Variants in C14orf39 observed in about 807,000 individuals in gnomAD.
The protein encoded by C14orf39 is protein SIX6OS1.
A neutral mutation model predicts 85.6 loss-of-function variants in C14orf39; 66 were observed. The ratio of observed to expected loss-of-function variants is 0.77; its 90% CI spans 0.63 to 0.95. The LOEUF is 0.95. Ranked by LOEUF, C14orf39 falls within the 40% of genes least tolerant of loss-of-function variation. The pLI, the probability that C14orf39 is intolerant of heterozygous loss-of-function variation, is 0.00. For synonymous variants in C14orf39, 242 were observed against 214.0 expected, an observed-to-expected ratio of 1.13 and a Z score of -1.14; for missense variants, 735 against 663.9, an observed-to-expected ratio of 1.11 and a Z score of -1.18.
intron 17 of C14orf39, among the ~76,000 whole-genome samples, chr14:60,439,101 G>A (rs1890390786): frequency 2.6e-5 from 4 of 152,258 alleles, no homozygotes; most frequent in African/African-American, 9.6e-5. Context: ...CTGAGGTGAT[G>A]GATATTCCAA....
chr14:60,473,091 G>A (rs1288144937), intron 5 of C14orf39, among the ~76,000 whole-genome samples: 17 of 152,090 alleles, frequency 1.1e-4, no homozygotes, highest in East Asian at 3.9e-4. Flanking sequence ...TTTAATGATC[G>A]CCATTCTAAC....
chr14:60,499,695 T>C (rs562298415), intron 1 of C14orf39, among the ~76,000 whole-genome samples: 29 of 152,246 alleles, frequency 1.9e-4, no homozygotes, highest in Non-Finnish European at 3.7e-4. Context: ...GTAAAAACTA[T>C]AGGTGATTGC....
intron 8 of C14orf39, among the ~76,000 whole-genome samples, 185 bp downstream of exon 8, chr14:60,469,348 T>C (rs1891955355): frequency 6.8e-6 from 1 of 148,004 alleles, no homozygotes; most frequent in Non-Finnish European, 1.5e-5. Context: ...ATAAAATTAA[T>C]AAAAAATATA....
intron 16 of C14orf39, among the ~76,000 whole-genome samples, chr14:60,444,718 C>A (rs557348219): frequency 2.6e-5 from 4 of 152,188 alleles, no homozygotes; most frequent in African/African-American, 9.6e-5. Flanking sequence ...AGATACTCCT[C>A]GAAAAGAGCA....
intron 16 of C14orf39, among the ~76,000 whole-genome samples, chr14:60,452,586 T>C (rs546042976): frequency 1.3e-5 from 2 of 152,138 alleles, no homozygotes; most frequent in East Asian, 1.9e-4. Flanking sequence ...AGTATTTGAT[T>C]GCACAATAGG....
At chr14:60,469,714 T>C (rs557634807) in intron 7 of C14orf39, 61 bp from the exon 8 acceptor site, 123 of 727,154 alleles carry the variant, frequency 1.7e-4, no homozygotes, top group Non-Finnish European at 2.2e-4. Context: ...ATATGTGCCA[T>C]ATCAGAAATG....
intron 5 of C14orf39, among the ~76,000 whole-genome samples, chr14:60,473,106 G>A (rs1029533375): frequency 5.3e-5 from 8 of 152,168 alleles, no homozygotes; most frequent in Non-Finnish European, 8.8e-5. Context: ...TCTAACTGGT[G>A]TGAGATGGTA....
At chr14:60,472,974 T>C (rs941691270) in intron 5 of C14orf39, among the ~76,000 whole-genome samples, 4 of 152,086 alleles carry the variant, frequency 2.6e-5, no homozygotes, top group Non-Finnish European at 5.9e-5. Context: ...CCTGAGGAAT[T>C]GCCACACTGA....
chr14:60,514,278 T>C (rs576226305), intron 1 of C14orf39, among the ~76,000 whole-genome samples: 2 of 152,330 alleles, frequency 1.3e-5, no homozygotes, highest in South Asian at 4.1e-4. Context: ...GGTTTCTGAA[T>C]TTGGCAAAAT....
intron 8 of C14orf39, 80 bp from the exon 9 acceptor site, chr14:60,468,616 T>A: frequency 2.8e-6 from 2 of 714,866 alleles, no homozygotes; most frequent in Non-Finnish European, 4.4e-6. Flanking sequence ...CTTATGTTTT[T>A]TCTATATAAT....
chr14:60,486,455 T>G (rs1441259227), upstream of C14orf39, among the ~76,000 whole-genome samples: 2 of 152,208 alleles, frequency 1.3e-5, no homozygotes, highest in African/African-American at 4.8e-5. Flanking sequence ...GAATTCAGCA[T>G]TTTTCAAAAC....
chr14:60,496,444 T>C lies in C14orf39; in HGVS notation c.-9+2852A>G, dbSNP rs17097536. The C allele has an allele frequency of 3.6e-3, 1,011 of 284,200 alleles. 7 individuals carry two copies. Among genetic ancestry groups the C allele is most frequent in the African/African-American group, 0.019 (864 of 45,998 alleles). The allele number at this position is 284,200 out of a possible 1,614,324, so 17.6% of individuals were successfully genotyped here. ...CTGTCTCTAAGTACATGACAGACTC[T>C]GCATCCAGCTTCTCCTTTATGTCCC... is the stretch of plus-strand genomic sequence containing the variant. On this transcript the variant is annotated intron_variant, in intron 2 of 5. Coordinates refer to the C14orf39 transcript ENST00000556799.
chr14:60,441,430 T>C (rs993656309), intron 17 of C14orf39, among the ~76,000 whole-genome samples: 1 of 152,170 alleles, frequency 6.6e-6, no homozygotes, highest in Non-Finnish European at 1.5e-5. Context: ...TCTCTTATCT[T>C]GTATCATTCT....
At chr14:60,441,531 T>TA (rs1477836397) in intron 17 of C14orf39, among the ~76,000 whole-genome samples, 1 of 152,224 alleles carries the variant, frequency 6.6e-6, no homozygotes, top group East Asian at 1.9e-4. Flanking sequence ...TACTATCTGA[T>TA]AAATTATACA....
At chr14:60,438,178 T>C (rs1890346849) in intron 17 of C14orf39, among the ~76,000 whole-genome samples, 1 of 152,082 alleles carries the variant, frequency 6.6e-6, no homozygotes, top group African/African-American at 2.4e-5. Flanking sequence ...TTTATTTTTA[T>C]TTTTAAACAT....
intron 5 of C14orf39, among the ~76,000 whole-genome samples, chr14:60,472,597 T>C (rs1892150313): frequency 6.6e-6 from 1 of 152,140 alleles, no homozygotes; most frequent in Non-Finnish European, 1.5e-5. Context: ...TTCCCCTTCC[T>C]GTGTCCATGT....
Position 60,461,414 on chromosome 14 carries a change from T to TA in C14orf39, c.1059-3dup. The TA allele has an allele frequency of 1.2e-6, 2 of 1,604,720 alleles. No individual in the cohort carries two copies. Among genetic ancestry groups the TA allele is most frequent in the Non-Finnish European group, 1.7e-6 (2 of 1,173,844 alleles). On this transcript the variant is annotated splice_polypyrimidine_tract_variant and splice_region_variant and intron_variant, in intron 12 of 17. Transcript: ENST00000321731. ...GATTGTTTCTGTGGGGTTAACAATC[T>TA]AAAATGGAATAAATATAATTTTTGT...
rs1351983644 is a variant in C14orf39, at chr14:60,436,527, C to T, written c.*318G>A. On this transcript the variant is annotated 3_prime_UTR_variant, in exon 18 of 18. Coordinates refer to ENST00000321731, the MANE Select transcript of C14orf39 (RefSeq NM_174978.3). Reference sequence around the variant, plus strand: ...ACCAACAATACTTCCAGAAAAAAACCTTAGGTTCCAAGGAGAAGCAGGCTT... The same window carrying T: ...ACCAACAATACTTCCAGAAAAAAACTTTAGGTTCCAAGGAGAAGCAGGCTT... The T allele has an allele frequency of 1.7e-5, 3 of 176,288 alleles. No individual in the cohort carries two copies. Among genetic ancestry groups the T allele is most frequent in the Admixed American group, 6.1e-5 (1 of 16,286 alleles). The allele number at this position is 176,288 out of a possible 1,614,324, so 10.9% of individuals were successfully genotyped here.
intron 16 of C14orf39, among the ~76,000 whole-genome samples, chr14:60,447,373 C>CA (rs1191692228): frequency 2.0e-5 from 3 of 152,168 alleles, no homozygotes; most frequent in African/African-American, 7.2e-5. Flanking sequence ...AATCAATGTG[C>CA]AAAAATCACA....
Sources: gnomAD v4.1 joint callset for allele counts (sites outside exome capture counted in the v4.1 genomes callset) on GRCh38, gnomAD v4.1.1 for gene constraint, MANE v1.5 for transcripts, NCBI Gene and HGNC (gene_info 2026-07-23, HGNC 2026-07-21) for gene names.